Variants in NECTIN3 observed in about 807,000 individuals in gnomAD.
The protein encoded by NECTIN3 is nectin-3.
A neutral mutation model predicts 49.4 loss-of-function variants in NECTIN3; 8 were observed. The ratio of observed to expected loss-of-function variants is 0.16; its 90% CI spans 0.10 to 0.29. The LOEUF is 0.29. Among genes scored for constraint, NECTIN3 ranks in the 10% least tolerant of loss-of-function variants. NECTIN3 has a pLI of 1.00. For missense variants in NECTIN3, 581 were observed against 654.6 expected (o/e 0.89, Z 1.23); for synonymous variants, 277 against 241.1 (o/e 1.15, Z -1.38).
At chr3:111,082,572 T>G (rs182647318) in intron 1 of NECTIN3, among the ~76,000 whole-genome samples, 51 of 152,220 alleles carry the variant, frequency 3.4e-4, no homozygotes, top group Non-Finnish European at 6.6e-4. Flanking sequence ...TTCGTGACTC[T>G]TAGTAATTTT....
intron 1 of NECTIN3, among the ~76,000 whole-genome samples, chr3:111,107,113 C>T (rs572190054): frequency 6.6e-6 from 1 of 152,064 alleles, no homozygotes; most frequent in South Asian, 2.1e-4. Flanking sequence ...TAATATGGAT[C>T]TCCCTTCATT....
At chr3:111,102,004 T>A (rs926638474) in intron 1 of NECTIN3, among the ~76,000 whole-genome samples, 6 of 152,040 alleles carry the variant, frequency 3.9e-5, no homozygotes, top group Non-Finnish European at 8.8e-5. Flanking sequence ...TCTAGCAGAG[T>A]CTTCCTTGAT....
chr3:111,155,123 A>G (rs1576166984), intron 7 of NECTIN3, among the ~76,000 whole-genome samples: 1 of 152,244 alleles, frequency 6.6e-6, no homozygotes, highest in East Asian at 1.9e-4. Flanking sequence ...TTTTTAGGAG[A>G]GACGGGGTTT....
At chr3:111,194,061 G>C (rs957298798) in intron 1 of NECTIN3, among the ~76,000 whole-genome samples, 5 of 152,108 alleles carry the variant, frequency 3.3e-5, no homozygotes. Context: ...TTGACTAGCT[G>C]TATGTAACAA....
chr3:111,135,449 A>G lies in NECTIN3; in HGVS notation c.*1234A>G, dbSNP rs564169419. On this transcript the variant is annotated 3_prime_UTR_variant, in exon 6 of 6. Transcript: ENST00000485303. ...TTCTGAATCATTTATCTTTTGAGAA[A>G]GAAATGTTACCTAAACTTCAAATGT... is the stretch of plus-strand genomic sequence containing the variant. 1,500 of 941,584 alleles carry G rather than the reference A, an allele frequency of 1.6e-3. No homozygotes were observed. Among genetic ancestry groups the G allele is most frequent in the Non-Finnish European group, 1.8e-3 (1,452 of 790,254 alleles). The allele number at this position is 941,584 out of a possible 1,614,324, so 58.3% of individuals were successfully genotyped here.
At chr3:111,173,752 G>T (rs1209842671) in intron 7 of NECTIN3, among the ~76,000 whole-genome samples, 1 of 151,726 alleles carries the variant, frequency 6.6e-6, no homozygotes, top group African/African-American at 2.4e-5. Flanking sequence ...ATATCCTTTT[G>T]TCTCACAAGC....
chr3:111,074,025 A>G (rs1157440727), intron 1 of NECTIN3, among the ~76,000 whole-genome samples: 2 of 151,102 alleles, frequency 1.3e-5, no homozygotes, highest in Non-Finnish European at 3.0e-5. Flanking sequence ...TGTAGTGTTT[A>G]GAGTCAACTC....
At chr3:111,107,113 C>G (rs572190054) in intron 1 of NECTIN3, among the ~76,000 whole-genome samples, 5 of 152,064 alleles carry the variant, frequency 3.3e-5, no homozygotes, top group East Asian at 1.9e-4. Context: ...TAATATGGAT[C>G]TCCCTTCATT....
At chr3:111,144,582 CTT>C (rs1330988509) in intron 5 of NECTIN3, among the ~76,000 whole-genome samples, 3 of 151,272 alleles carry the variant, frequency 2.0e-5, no homozygotes, top group Non-Finnish European at 4.4e-5. Context: ...AGAGTACAAA[CTT>C]AAAATTACTT....
chr3:111,126,423 C>G, intron 5 of NECTIN3, 88 bp downstream of exon 5: 1 of 1,135,034 alleles, frequency 8.8e-7, no homozygotes, highest in Non-Finnish European at 1.3e-6. Context: ...ATAATTTGTA[C>G]TTGTAAAGAT....
In NECTIN3 at chr3:111,134,690, A is replaced by G. The variant is rs2034516955; in HGVS notation, c.*475A>G. ...AAACTAATTCAAGAAATATTTATAT[A>G]TATTTTTTAATATACAAAAAATATT... is the stretch of plus-strand genomic sequence containing the variant. On this transcript the variant is annotated 3_prime_UTR_variant, in exon 6 of 6. Coordinates refer to ENST00000485303, the MANE Select transcript of NECTIN3 (RefSeq NM_015480.3). 7.1e-6 allele frequency: 6 copies of G among 849,706 alleles called. No individual in the cohort carries two copies. The highest frequency in any genetic ancestry group is 5.4e-5 in the South Asian group (1 of 18,452). 52.6% of individuals were successfully genotyped at this position (849,706 alleles called of 1,614,324 possible).
intron 3 of NECTIN3, among the ~76,000 whole-genome samples, chr3:111,119,285 T>C (rs2033840526): frequency 6.6e-6 from 1 of 152,320 alleles, no homozygotes; most frequent in Non-Finnish European, 1.5e-5. Flanking sequence ...TGAGCTGTTA[T>C]TCAGTTTCAC....
intron 3 of NECTIN3, among the ~76,000 whole-genome samples, chr3:111,120,566 T>A (rs1470769089): frequency 1.3e-5 from 2 of 152,188 alleles, no homozygotes; most frequent in Admixed American, 1.3e-4. Flanking sequence ...TGTTTTTTTT[T>A]AATTTCTGAG....
intron 1 of NECTIN3, among the ~76,000 whole-genome samples, chr3:111,109,043 C>T (rs895136373): frequency 1.3e-5 from 2 of 152,104 alleles, no homozygotes; most frequent in Non-Finnish European, 2.9e-5. Context: ...ATCCATGTGC[C>T]AGCAGATCCA....
chr3:111,093,535 A>G (rs145827334), intron 1 of NECTIN3, among the ~76,000 whole-genome samples: 2 of 151,918 alleles, frequency 1.3e-5, no homozygotes, highest in African/African-American at 4.8e-5. Flanking sequence ...CCTGGGTTCA[A>G]GTGATTCTCC....
At chr3:111,122,543 A>G (rs146293713) in intron 4 of NECTIN3, among the ~76,000 whole-genome samples, 2 of 152,240 alleles carry the variant, frequency 1.3e-5, no homozygotes, top group African/African-American at 2.4e-5. Flanking sequence ...TTATAATTTT[A>G]TGTCTACTCC....
intron 1 of NECTIN3, among the ~76,000 whole-genome samples, chr3:111,074,662 C>A (rs1425999459): frequency 5.3e-5 from 8 of 151,858 alleles, no homozygotes; most frequent in African/African-American, 1.9e-4. Context: ...GAGAACTGAA[C>A]TTTTAAAATG....
chr3:111,169,079 C>CTTTTTTTTT (rs142606359), intron 7 of NECTIN3, among the ~76,000 whole-genome samples: 2 of 104,106 alleles, frequency 1.9e-5, no homozygotes, highest in African/African-American at 4.5e-5. Flanking sequence ...ACTATTCAAA[C>CTTTTTTTTT]TTTTTTTTTT....
downstream of NECTIN3, among the ~76,000 whole-genome samples, chr3:111,138,319 T>G (rs1233768133): frequency 6.6e-6 from 1 of 151,630 alleles, no homozygotes; most frequent in Admixed American, 6.6e-5. Flanking sequence ...TGTTCCCTTC[T>G]TGGTATCCCA....
Sources: allele counts gnomAD v4.1 joint callset (sites outside exome capture counted in the v4.1 genomes callset), GRCh38; gene constraint gnomAD v4.1.1; transcripts MANE v1.5; gene names NCBI Gene and HGNC (gene_info 2026-07-23, HGNC 2026-07-21).